The following TRIM5 variants were observed in gnomAD, a reference collection of about 807,000 sequenced individuals.
The protein encoded by TRIM5 is tripartite motif containing 5.
TRIM5 carries 31 observed loss-of-function variants against 35.6 expected under a neutral mutation model. That is an observed-to-expected ratio of 0.87 (90% confidence interval 0.65 to 1.18). The LOEUF is 1.18. Ranked by LOEUF, TRIM5 falls within the 50% of genes most tolerant of loss-of-function variation. The pLI, the probability that TRIM5 is intolerant of heterozygous loss-of-function variation, is 0.00. For missense variants in TRIM5, 609 were observed against 591.6 expected (o/e 1.03, Z -0.31); for synonymous variants, 243 against 215.6 (o/e 1.13, Z -1.11).
At chr11:5,657,614 AT>A in the TRIM5 span, among the ~76,000 whole-genome samples, 1 of 104,910 alleles carries the variant, frequency 9.5e-6, no homozygotes, top group African/African-American at 3.5e-5. Flanking sequence ...ATATTTATAT[AT>A]TATATATAAT....
At chr11:5,672,908 G>C (rs1198828294) in intron 4 of TRIM5, among the ~76,000 whole-genome samples, 3 of 152,034 alleles carry the variant, frequency 2.0e-5, no homozygotes, top group African/African-American at 7.3e-5. Flanking sequence ...CAAGCACTAG[G>C]AAGAGTACTA....
At chr11:5,642,759 G>A in the TRIM5 span, 64 of 1,606,408 alleles carry the variant, frequency 4.0e-5, no homozygotes, top group Non-Finnish European at 5.2e-5. Context: ...GAATATATAG[G>A]TATCAGTGCT....
At chr11:5,677,102 T>C (rs1323748790) in intron 4 of TRIM5, among the ~76,000 whole-genome samples, 10 of 151,566 alleles carry the variant, frequency 6.6e-5, no homozygotes, top group Non-Finnish European at 1.5e-4. Flanking sequence ...AATTGACAAA[T>C]GGGATCTAAT....
At chr11:5,620,608 T>C in the TRIM5 span, among the ~76,000 whole-genome samples, 1 of 152,310 alleles carries the variant, frequency 6.6e-6, no homozygotes, top group African/African-American at 2.4e-5. Context: ...GTAGTAATTC[T>C]CTTTCTTTGG....
At chr11:5,670,575 G>C (rs568021638) in intron 4 of TRIM5, among the ~76,000 whole-genome samples, 2 of 152,202 alleles carry the variant, frequency 1.3e-5, no homozygotes, top group African/African-American at 4.8e-5. Flanking sequence ...CCATGCTAAA[G>C]ACACACACAT....
chr11:5,634,530 C>CACACACACACACACACACACACACAT, the TRIM5 span: 1 of 203,918 alleles, frequency 4.9e-6, no homozygotes, highest in African/African-American at 3.4e-5. Flanking sequence ...CACACACACA[C>CACACACACACACACACACACACACAT]ATATATATAT....
the TRIM5 span, among the ~76,000 whole-genome samples, chr11:5,609,279 G>A: frequency 6.6e-6 from 1 of 152,064 alleles, no homozygotes; most frequent in Non-Finnish European, 1.5e-5. Context: ...TTGGAGGTGA[G>A]GACATCTTTT....
intron 4 of TRIM5, among the ~76,000 whole-genome samples, chr11:5,676,438 T>C (rs1003542269): frequency 3.3e-5 from 5 of 152,072 alleles, no homozygotes; most frequent in African/African-American, 1.2e-4. Flanking sequence ...TACAAACCAC[T>C]ACTCAAGGAA....
the TRIM5 span, among the ~76,000 whole-genome samples, chr11:5,626,144 T>G: frequency 6.6e-6 from 1 of 152,352 alleles, no homozygotes; most frequent in Admixed American, 6.5e-5. Context: ...ACATACTGAC[T>G]GTCTCCCAGA....
chr11:5,608,533 T>G, the TRIM5 span: 1 of 1,360,912 alleles, frequency 7.3e-7, no homozygotes, highest in Non-Finnish European at 9.8e-7. Context: ...ACATGGAGTT[T>G]TGGCATCCCC....
chr11:5,605,101 A>G, the TRIM5 span: 3 of 564,530 alleles, frequency 5.3e-6, no homozygotes, highest in Non-Finnish European at 9.4e-6. Context: ...CAGGAATCAC[A>G]GTTGATGTCT....
chr11:5,631,242 C>G, the TRIM5 span, among the ~76,000 whole-genome samples: 1 of 152,156 alleles, frequency 6.6e-6, no homozygotes, highest in Admixed American at 6.5e-5. Flanking sequence ...CCAGAAATTC[C>G]CAACTTATGT....
chr11:5,609,298 A>T, the TRIM5 span, among the ~76,000 whole-genome samples: 41 of 152,246 alleles, frequency 2.7e-4, no homozygotes, highest in African/African-American at 8.9e-4. Context: ...TTCTCCAGCT[A>T]GTGGCATAAC....
the TRIM5 span, chr11:5,632,133 G>T: frequency 7.1e-7 from 1 of 1,411,420 alleles, no homozygotes; most frequent in Non-Finnish European, 9.4e-7. Context: ...GCCATTTTTG[G>T]TTTCTCTTCC....
intron 1 of TRIM5, among the ~76,000 whole-genome samples, chr11:5,681,671 A>G (rs1037142341): frequency 2.8e-5 from 4 of 145,244 alleles, no homozygotes; most frequent in African/African-American, 1.1e-4. Context: ...AATCCTAAAC[A>G]GGTCCTAATC....
intron 4 of TRIM5, among the ~76,000 whole-genome samples, chr11:5,674,129 A>G (rs891889589): frequency 1.9e-4 from 29 of 152,158 alleles, no homozygotes; most frequent in Admixed American, 1.7e-3. Context: ...GACCAAATAT[A>G]ACTAAAAGGA....
the TRIM5 span, among the ~76,000 whole-genome samples, chr11:5,606,304 C>T: frequency 6.6e-6 from 1 of 152,020 alleles, no homozygotes; most frequent in African/African-American, 2.4e-5. Flanking sequence ...TCGCAGATTA[C>T]AAGGTATCAA....
At chr11:5,643,007 A>G in the TRIM5 span, 1 of 1,319,056 alleles carries the variant, frequency 7.6e-7, no homozygotes, top group South Asian at 1.6e-5. Context: ...CATCAGTGCA[A>G]GTTTTTCAGT....
At chr11:5,642,553 T>C in the TRIM5 span, 1 of 1,602,190 alleles carries the variant, frequency 6.2e-7, no homozygotes, top group South Asian at 1.1e-5. Context: ...TGTTGTGGTG[T>C]CAGGTAATAA....
Sources: gnomAD v4.1 joint callset for allele counts (sites outside exome capture counted in the v4.1 genomes callset) on GRCh38, gnomAD v4.1.1 for gene constraint, MANE v1.5 for transcripts, NCBI Gene and HGNC (gene_info 2026-07-23, HGNC 2026-07-21) for gene names.